The following GRM8 variants were observed in gnomAD, a reference collection of about 807,000 sequenced individuals.
GRM8 encodes the protein metabotropic glutamate receptor 8.
In GRM8, 47 loss-of-function variants were observed where a neutral mutation model predicts 87.2. That is an observed-to-expected ratio of 0.54 (90% CI 0.43 to 0.69). GRM8 has a LOEUF of 0.69. Ranked by LOEUF, GRM8 falls within the 30% of genes least tolerant of loss-of-function variation. The pLI is 0.00. For synonymous variants in GRM8, 396 were observed against 404.5 expected (o/e 0.98, Z 0.25); for missense variants, 1,019 against 1,139.2 (o/e 0.89, Z 1.52).
intron 6 of GRM8, among the ~76,000 whole-genome samples, chr7:126,850,643 A>G (rs1172173185): frequency 6.6e-6 from 1 of 152,218 alleles, no homozygotes; most frequent in African/African-American, 2.4e-5. Context: ...TATCTCAATA[A>G]ATCTTATCTA....
At chr7:126,539,753 A>G (rs1816320313) in intron 8 of GRM8, among the ~76,000 whole-genome samples, 1 of 152,052 alleles carries the variant, frequency 6.6e-6, no homozygotes, top group Non-Finnish European at 1.5e-5. Context: ...ATCCATATGC[A>G]AAATAATGAA....
intron 2 of GRM8, among the ~76,000 whole-genome samples, chr7:127,220,620 G>A (rs886686516): frequency 2.0e-5 from 3 of 151,906 alleles, no homozygotes; most frequent in African/African-American, 4.8e-5. Flanking sequence ...AAGTAGCTGG[G>A]ACTATAGGTG....
intron 1 of GRM8, among the ~76,000 whole-genome samples, chr7:127,251,882 G>T: frequency 6.6e-6 from 1 of 152,164 alleles, no homozygotes; most frequent in East Asian, 1.9e-4. Flanking sequence ...CACAAAAGAG[G>T]GGCACGGAAA....
intron 3 of GRM8, among the ~76,000 whole-genome samples, chr7:126,947,149 G>C (rs146818691): frequency 2.8e-4 from 42 of 152,256 alleles, no homozygotes; most frequent in African/African-American, 1.0e-3. Flanking sequence ...CCTTTGTGAT[G>C]CTATTCAAAT....
chr7:126,847,419 G>A (rs1041482369), intron 6 of GRM8, among the ~76,000 whole-genome samples: 3 of 152,130 alleles, frequency 2.0e-5, no homozygotes, highest in Non-Finnish European at 4.4e-5. Context: ...ATGAGCAACA[G>A]CAAAATTTAT....
At chr7:126,467,154 C>T (rs1403571274) in intron 9 of GRM8, among the ~76,000 whole-genome samples, 1 of 151,408 alleles carries the variant, frequency 6.6e-6, no homozygotes, top group Non-Finnish European at 1.5e-5. Context: ...AGCCCCCCAC[C>T]CCCCGACAGG....
At position 127,076,454 on chromosome 7, in the gene GRM8, CAG is replaced by C. The variant is rs372294194; in HGVS notation, c.727+30040_727+30041del. On this transcript the variant is annotated intron_variant, in intron 3 of 10. Coordinates refer to ENST00000339582, the MANE Select transcript of GRM8 (RefSeq NM_000845.3). The stretch of plus-strand genomic sequence containing the variant: ...TTTGAGCCCAGGAAAGCAGAAAGAA[CAG>C]AGAGAGTCCCCAAGGCTGGGATGAG... 4.5e-3 allele frequency among the ~76,000 whole-genome samples: 686 copies of C among 152,286 alleles called. 1 individual carries two copies. The highest frequency in any genetic ancestry group is 0.016 in the African/African-American group (670 of 41,558).
At chr7:126,977,387 T>A (rs998916791) in intron 3 of GRM8, among the ~76,000 whole-genome samples, 1 of 152,228 alleles carries the variant, frequency 6.6e-6, no homozygotes, top group African/African-American at 2.4e-5. Context: ...TTGTTTCTGG[T>A]ACCCTCCTCT....
chr7:126,889,286 A>C (rs1404706416), intron 6 of GRM8, among the ~76,000 whole-genome samples: 1 of 152,142 alleles, frequency 6.6e-6, no homozygotes, highest in East Asian at 1.9e-4. Context: ...TACCCACCCA[A>C]GATTCCACAG....
intron 8 of GRM8, among the ~76,000 whole-genome samples, chr7:126,605,903 G>T (rs1798297495): frequency 6.6e-6 from 1 of 152,144 alleles, no homozygotes; most frequent in Non-Finnish European, 1.5e-5. Flanking sequence ...TTGCGCTAGA[G>T]TGGTTGGTCC....
intron 7 of GRM8, among the ~76,000 whole-genome samples, chr7:126,709,728 T>C (rs1810908560): frequency 6.6e-6 from 1 of 152,150 alleles, no homozygotes; most frequent in Non-Finnish European, 1.5e-5. Context: ...TCCTTTTCCA[T>C]TGTAGCATTA....
intron 2 of GRM8, among the ~76,000 whole-genome samples, chr7:127,182,830 T>C (rs1794541702): frequency 6.6e-6 from 1 of 151,720 alleles, no homozygotes; most frequent in African/African-American, 2.4e-5. Context: ...CTAACTAATA[T>C]GTCAGAGCTA....
intron 3 of GRM8, among the ~76,000 whole-genome samples, chr7:127,021,687 A>G (rs1229474811): frequency 6.6e-6 from 1 of 152,086 alleles, no homozygotes; most frequent in East Asian, 1.9e-4. Context: ...AGAAAAATCT[A>G]CTTGCCATGC....
chr7:126,958,276 G>GC (rs1027811999), intron 3 of GRM8, among the ~76,000 whole-genome samples: 12 of 152,200 alleles, frequency 7.9e-5, no homozygotes, highest in Admixed American at 4.6e-4. Context: ...GCTGAAAAAC[G>GC]CCCCCCACTC....
intron 2 of GRM8, among the ~76,000 whole-genome samples, chr7:127,217,503 T>C (rs1484496353): frequency 6.6e-6 from 1 of 152,208 alleles, no homozygotes; most frequent in African/African-American, 2.4e-5. Flanking sequence ...AGGGTTCCAG[T>C]TTTGGCCTCT....
At chr7:127,036,237 T>A (rs1817829995) in intron 3 of GRM8, among the ~76,000 whole-genome samples, 1 of 152,196 alleles carries the variant, frequency 6.6e-6, no homozygotes, top group African/African-American at 2.4e-5. Flanking sequence ...ATAGAGGAGC[T>A]AAGGAATCTG....
chr7:126,918,876 C>G (rs1427374993), intron 3 of GRM8, among the ~76,000 whole-genome samples: 1 of 152,090 alleles, frequency 6.6e-6, no homozygotes, highest in Non-Finnish European at 1.5e-5. Context: ...CCCAACATCA[C>G]CCAAGCACAA....
intron 3 of GRM8, among the ~76,000 whole-genome samples, chr7:126,983,000 T>G (rs774819084): frequency 4.6e-5 from 7 of 152,134 alleles, no homozygotes; most frequent in Non-Finnish European, 8.8e-5. Context: ...TTACCTCTGT[T>G]GTGTAGTAGT....
intron 9 of GRM8, among the ~76,000 whole-genome samples, chr7:126,471,083 G>A (rs1363271016): frequency 6.6e-6 from 1 of 152,028 alleles, no homozygotes; most frequent in Non-Finnish European, 1.5e-5. Flanking sequence ...GTAGATTCTG[G>A]ATATTAGCCC....
Sources: gnomAD v4.1 joint callset for allele counts (sites outside exome capture counted in the v4.1 genomes callset) on GRCh38, gnomAD v4.1.1 for gene constraint, MANE v1.5 for transcripts, NCBI Gene and HGNC (gene_info 2026-07-23, HGNC 2026-07-21) for gene names.